The following ATG16L1 variants were observed in gnomAD, a reference collection of about 807,000 sequenced individuals.
ATG16L1 encodes the protein autophagy-related protein 16-1.
Under a neutral mutation model 88.5 loss-of-function variants are expected in ATG16L1, and 37 were observed. The ratio of observed to expected loss-of-function variants is 0.42; its 90% CI spans 0.32 to 0.55. The LOEUF (loss-of-function observed/expected upper bound fraction) is 0.55. Ranked by LOEUF, ATG16L1 falls within the 20% of genes least tolerant of loss-of-function variation. The pLI, the probability that ATG16L1 is intolerant of heterozygous loss-of-function variation, is 0.13. For missense variants in ATG16L1, 554 were observed against 752.8 expected (o/e 0.74, Z 3.09); for synonymous variants, 301 against 281.0 (o/e 1.07, Z -0.71).
At chr2:233,280,612 A>C (rs958249333) in intron 10 of ATG16L1, among the ~76,000 whole-genome samples, 6 of 152,216 alleles carry the variant, frequency 3.9e-5, no homozygotes, top group African/African-American at 1.4e-4. Flanking sequence ...TAACTAACAC[A>C]ATTTCTTTTC....
intron 13 of ATG16L1, 33 bp downstream of exon 13, chr2:233,290,007 T>G (rs770598989): frequency 6.2e-7 from 1 of 1,605,552 alleles, no homozygotes. Flanking sequence ...TCTGTGTATA[T>G]GCTTAGATGT....
Position 233,289,863 on chromosome 2 carries a change from A to G in ATG16L1, c.1213A>G (p.Thr405Ala), listed in dbSNP as rs979881084. ...GTGTTCTCTCTCCTAGCACACACTC[A>G]CGGGACACAGTGGGAAAGTGCTGTC... ...VDDYRLRHTLTGHSGKVLSAK... is the reference protein window; with the variant it reads ...VDDYRLRHTLAGHSGKVLSAK... Residue 405 changes from threonine to alanine, a missense_variant, in exon 13 of 18, where the codon ACG becomes GCG. By Grantham distance (58) the Thr-to-Ala change is moderately conservative (BLOSUM62 0). Around this residue, in one of 5 missense-constraint regions of ATG16L1, gnomAD observed 370 missense variants for 509.7 expected, o/e 0.73. Coordinates refer to ENST00000392017, the MANE Select transcript of ATG16L1 (RefSeq NM_030803.7). The G allele has an allele frequency of 6.2e-7, 1 of 1,614,148 alleles. No individual in the cohort carries two copies.
chr2:233,286,621 C>CTTTT (rs10676895), intron 12 of ATG16L1, among the ~76,000 whole-genome samples: 1,930 of 93,216 alleles, frequency 0.021, 71 homozygotes, highest in Non-Finnish European at 0.031. Flanking sequence ...GAAGCCCAAA[C>CTTTT]TTTTTTTTTT....
At chr2:233,273,203 A>C (rs1401877914) in intron 7 of ATG16L1, 151 bp downstream of exon 7, 2 of 611,732 alleles carry the variant, frequency 3.3e-6, no homozygotes, top group Admixed American at 3.0e-5. Flanking sequence ...AGAGGTGTCC[A>C]GTCTTTCTCA....
At chr2:233,280,818 T>C (rs1466345983) in intron 10 of ATG16L1, among the ~76,000 whole-genome samples, 1 of 152,214 alleles carries the variant, frequency 6.6e-6, no homozygotes, top group Admixed American at 6.5e-5. Context: ...ATTCCTACAC[T>C]TTGTTTTTCT....
At chr2:233,292,346 C>T in intron 15 of ATG16L1, 41 bp from the exon 16 acceptor site, 4 of 1,614,196 alleles carry the variant, frequency 2.5e-6, no homozygotes, top group Non-Finnish European at 1.7e-6. Flanking sequence ...TGCTGCGTGG[C>T]CTGAGCTCCC....
At chr2:233,261,627 C>G (rs1574849232) in intron 2 of ATG16L1, among the ~76,000 whole-genome samples, 1 of 152,068 alleles carries the variant, frequency 6.6e-6, no homozygotes, top group African/African-American at 2.4e-5. Context: ...TATTCTGGGT[C>G]ATATGGAGGG....
chr2:233,280,263 T>C (rs1427481309), intron 10 of ATG16L1, among the ~76,000 whole-genome samples: 1 of 152,264 alleles, frequency 6.6e-6, no homozygotes, highest in Non-Finnish European at 1.5e-5. Context: ...TTTACAAATA[T>C]GATTACAATG....
In ATG16L1 at chr2:233,284,585, G is replaced by A. The variant is rs560341246; in HGVS notation, c.1203+1832G>A. On this transcript the variant is annotated intron_variant, in intron 12 of 17. Transcript: ENST00000392017. ...CTGACCTCGTGATCCACCTGCCTCA[G>A]CCTCCCAAAGTGTTGGGATTACAGG... is the stretch of plus-strand genomic sequence containing the variant. Among the ~76,000 whole-genome samples the A allele has an allele frequency of 1.2e-4, 19 of 152,326 alleles. No individual in the cohort carries two copies. In the South Asian group the frequency reaches 3.9e-3, roughly 32 times the overall value.
chr2:233,279,500 T>C (rs560993077), intron 10 of ATG16L1, among the ~76,000 whole-genome samples: 8 of 152,360 alleles, frequency 5.3e-5, no homozygotes, highest in Admixed American at 2.0e-4. Flanking sequence ...CAGTTTTGTG[T>C]AGGGCCTTTC....
At chr2:233,291,921 G>A (rs1365431237) in intron 14 of ATG16L1, among the ~76,000 whole-genome samples, 2 of 152,206 alleles carry the variant, frequency 1.3e-5, no homozygotes, top group Non-Finnish European at 2.9e-5. Flanking sequence ...CAACTTCAGA[G>A]TTCTAGTCTG....
chr2:233,252,504 T>C (rs1027375441), intron 1 of ATG16L1, among the ~76,000 whole-genome samples: 13 of 152,112 alleles, frequency 8.5e-5, no homozygotes, highest in African/African-American at 3.1e-4. Flanking sequence ...CACCTAAGCC[T>C]CCCGAGTAGC....
Position 233,251,874 on chromosome 2 carries a change from A to G in ATG16L1, c.47A>G (p.His16Arg). The change falls in exon 1 of 18, where the codon CAC (histidine) becomes CGC (arginine). Residue 16 changes from histidine to arginine, a missense_variant. By Grantham distance (29) the His-to-Arg change is conservative (BLOSUM62 0). This residue lies in a region of ATG16L1 where 101 missense variants were observed against 107.0 expected (regional missense o/e 0.94). Transcript: ENST00000392017. ...RAADFPRWKRHISEQLRRRDR... is the reference protein window; with the variant it reads ...RAADFPRWKRRISEQLRRRDR... Reference sequence around the variant, plus strand: ...GCTGACTTCCCCCGCTGGAAGCGCCACATCTCGGAGCAACTGAGGCGCCGG... The same window carrying G: ...GCTGACTTCCCCCGCTGGAAGCGCCGCATCTCGGAGCAACTGAGGCGCCGG... 6.4e-7 allele frequency: 1 copy of G among 1,550,800 alleles called. No individual in the cohort carries two copies. Among genetic ancestry groups the G allele is most frequent in the Non-Finnish European group, 8.7e-7 (1 of 1,147,468 alleles).
intron 5 of ATG16L1, among the ~76,000 whole-genome samples, chr2:233,266,949 A>G (rs1256120087): frequency 2.0e-5 from 3 of 152,244 alleles, no homozygotes; most frequent in East Asian, 3.8e-4. Context: ...GATACAGAGT[A>G]TAACTGTGGT....
intron 8 of ATG16L1, chr2:233,274,142 C>A: frequency 7.9e-7 from 1 of 1,265,864 alleles, no homozygotes; most frequent in Non-Finnish European, 1.1e-6. Context: ...TGTTCACGTG[C>A]TAACGAGGAT....
intron 11 of ATG16L1, 150 bp downstream of exon 11, chr2:233,281,325 AGG>A: frequency 1.5e-6 from 1 of 645,728 alleles, no homozygotes; most frequent in Non-Finnish European, 2.6e-6. Context: ...AATAGATTAT[AGG>A]GTTAATTGCT....
chr2:233,269,815 C>T (rs1408480682), intron 5 of ATG16L1, among the ~76,000 whole-genome samples, 187 bp from the exon 6 acceptor site: 2 of 152,160 alleles, frequency 1.3e-5, no homozygotes, highest in Non-Finnish European at 2.9e-5. Flanking sequence ...CTCTGAAACC[C>T]TTTAAAAGGG....
chr2:233,263,970 A>G (rs763849949), intron 3 of ATG16L1, 22 bp from the exon 4 acceptor site: 1 of 1,611,834 alleles, frequency 6.2e-7, no homozygotes, highest in Non-Finnish European at 8.5e-7. Context: ...TATTTATGAA[A>G]GTATTCTTCT....
At chr2:233,273,194 G>C (rs1698109690) in intron 7 of ATG16L1, 142 bp downstream of exon 7, 2 of 648,016 alleles carry the variant, frequency 3.1e-6, no homozygotes, top group African/African-American at 1.8e-5. Flanking sequence ...ACACACCACA[G>C]AGGTGTCCAG....
Sources: allele counts gnomAD v4.1 joint callset (sites outside exome capture counted in the v4.1 genomes callset), GRCh38; gene constraint gnomAD v4.1.1; regional missense constraint gnomAD v4.1.1; transcripts MANE v1.5; gene names NCBI Gene and HGNC (gene_info 2026-07-23, HGNC 2026-07-21).